PTPRQ: variants seen among roughly 807,000 people sequenced by gnomAD.
PTPRQ encodes the protein protein tyrosine phosphatase receptor type Q.
Under a neutral mutation model 246.0 loss-of-function variants are expected in PTPRQ, and 199 were observed. The ratio of observed to expected loss-of-function variants is 0.81; its 90% CI spans 0.72 to 0.91. PTPRQ has a LOEUF of 0.91. PTPRQ is among the 40% of genes least tolerant of loss of function. The probability of loss-of-function intolerance (pLI) is 0.00; values close to 1 mark genes in which losing one functional copy is unlikely to be tolerated. For synonymous variants in PTPRQ, 869 were observed against 853.2 expected, an observed-to-expected ratio of 1.02 and a Z score of -0.32; for missense variants, 2,624 against 2,528.4, an observed-to-expected ratio of 1.04 and a Z score of -0.81.
At chr12:80,572,177 T>C (rs1395695013) in intron 25 of PTPRQ, among the ~76,000 whole-genome samples, 1 of 152,118 alleles carries the variant, frequency 6.6e-6, no homozygotes, top group African/African-American at 2.4e-5. Context: ...TTATTATTTC[T>C]CCATTTTTAA....
Position 80,679,126 on chromosome 12 carries a change from T to C in PTPRQ, c.*103T>C, listed in dbSNP as rs572073957. 52 of 1,367,028 alleles carry C rather than the reference T, an allele frequency of 3.8e-5. No homozygotes were observed. In the South Asian group the frequency reaches 6.3e-4, roughly 16 times the overall value. 84.7% of individuals were successfully genotyped at this position (1,367,028 alleles called of 1,614,324 possible). ...TGAAATGTGCAACCTTAAAGAAATA[T>C]CTATGCTTCTCTCACTGTGCCTTTC... On this transcript the variant is annotated 3_prime_UTR_variant, in exon 45 of 45. Coordinates refer to ENST00000644991, the MANE Select transcript of PTPRQ (RefSeq NM_001145026.2).
At chr12:80,472,317 A>G in intron 8 of PTPRQ, 66 bp downstream of exon 8, 1 of 1,523,606 alleles carries the variant, frequency 6.6e-7, no homozygotes, top group Admixed American at 2.3e-5. Context: ...TTGGTAAAAC[A>G]TGATATTAGA....
intron 33 of PTPRQ, among the ~76,000 whole-genome samples, chr12:80,622,358 T>C (rs1301938529): frequency 1.3e-5 from 2 of 152,102 alleles, no homozygotes; most frequent in African/African-American, 2.4e-5. Flanking sequence ...TCATCTTAAC[T>C]ATCCTTTAAG....
intron 35 of PTPRQ, among the ~76,000 whole-genome samples, chr12:80,638,586 C>A (rs532249203): frequency 1.3e-4 from 20 of 152,094 alleles, no homozygotes; most frequent in Non-Finnish European, 2.5e-4. Flanking sequence ...ATACTCTCTG[C>A]CTGTATATTT....
At chr12:80,606,631 T>C (rs913491147) in intron 27 of PTPRQ, among the ~76,000 whole-genome samples, 2 of 151,038 alleles carry the variant, frequency 1.3e-5, no homozygotes, top group African/African-American at 2.4e-5. Flanking sequence ...TTTCTCTCTG[T>C]CTCTTGACCA....
At chr12:80,476,542 T>C (rs1462991841) in intron 8 of PTPRQ, among the ~76,000 whole-genome samples, 1 of 152,168 alleles carries the variant, frequency 6.6e-6, no homozygotes, top group Non-Finnish European at 1.5e-5. Context: ...ACTCAATCTA[T>C]TGGATGAAAA....
intron 25 of PTPRQ, among the ~76,000 whole-genome samples, chr12:80,576,062 T>G (rs1317571301): frequency 6.6e-6 from 1 of 152,120 alleles, no homozygotes; most frequent in Non-Finnish European, 1.5e-5. Context: ...TTATTCTTTC[T>G]TATGGATATT....
intron 43 of PTPRQ, among the ~76,000 whole-genome samples, chr12:80,675,073 C>T (rs1051598039): frequency 2.0e-5 from 3 of 152,114 alleles, no homozygotes; most frequent in Admixed American, 2.0e-4. Flanking sequence ...TACATTCCCT[C>T]ATATACTGAG....
At chr12:80,628,417 C>T (rs1899288864) in intron 33 of PTPRQ, among the ~76,000 whole-genome samples, 1 of 151,950 alleles carries the variant, frequency 6.6e-6, no homozygotes, top group African/African-American at 2.4e-5. Flanking sequence ...TTAATACGTG[C>T]CTATTTTACA....
chr12:80,634,793 G>T, intron 34 of PTPRQ, 152 bp from the exon 35 acceptor site: 1 of 1,115,950 alleles, frequency 9.0e-7, no homozygotes, highest in Non-Finnish European at 1.2e-6. Flanking sequence ...AGAAAAAGAA[G>T]TCGAGTAGCT....
chr12:80,472,428 A>G (rs1893669754), intron 8 of PTPRQ, among the ~76,000 whole-genome samples, 177 bp downstream of exon 8: 1 of 152,212 alleles, frequency 6.6e-6, no homozygotes, highest in Non-Finnish European at 1.5e-5. Context: ...AACTCATAGC[A>G]TGCTTCATAA....
At position 80,472,200 on chromosome 12, in the gene PTPRQ, A is replaced by C. The variant is rs145855772; in HGVS notation, c.1135A>C (p.Ser379Arg). Reference protein sequence around the residue: ...MYDVYIAAETSAGTGPKSNIS... With the variant: ...MYDVYIAAETRAGTGPKSNIS... ...TGATGTCTATATTGCGGCTGAAACCAGTGCAGGGACTGGGCCCAAGTCAAA... is the reference window on the plus strand; with the variant it reads ...TGATGTCTATATTGCGGCTGAAACCCGTGCAGGGACTGGGCCCAAGTCAAA... Residue 379 changes from serine to arginine, a missense_variant, in exon 8 of 45, where the codon AGT becomes CGT. Coordinates refer to ENST00000644991, the MANE Select transcript of PTPRQ (RefSeq NM_001145026.2). 199 of 1,551,614 alleles carry C rather than the reference A, an allele frequency of 1.3e-4. No individual in the cohort carries two copies. In the African/African-American group the frequency reaches 2.6e-3, roughly 20 times the overall value.
At position 80,613,822 on chromosome 12, in the gene PTPRQ, A is replaced by G. The variant is rs1325907418; in HGVS notation, c.5149A>G (p.Thr1717Ala). 1 of 1,534,988 alleles carries G rather than the reference A, an allele frequency of 6.5e-7. No homozygotes were observed. Among genetic ancestry groups the G allele is most frequent in the African/African-American group, 1.4e-5 (1 of 71,972 alleles). The change falls in exon 29 of 45, where the codon ACA becomes GCA. Residue 1717 changes from threonine to alanine, a missense_variant. By Grantham distance (58) the Thr-to-Ala change is moderately conservative. Transcript: ENST00000644991. The part of the protein sequence containing the change: ...AMLEGLKGGH[T>A]YNISVYAVNS... ...GCTAGAAGGACTAAAAGGTGGACAT[A>G]CATACAATATCAGTGTAAGAATCCG...
intron 25 of PTPRQ, among the ~76,000 whole-genome samples, chr12:80,568,521 A>G (rs1273138147): frequency 1.3e-5 from 2 of 152,226 alleles, no homozygotes; most frequent in Non-Finnish European, 2.9e-5. Context: ...ATTTCTGTCC[A>G]TATTTGTCTT....
intron 3 of PTPRQ, among the ~76,000 whole-genome samples, chr12:80,456,548 T>C (rs1892988559): frequency 2.0e-5 from 3 of 152,180 alleles, no homozygotes. Context: ...CTATTGCTGA[T>C]AGGAAGGTGA....
chr12:80,484,470 A>G lies in PTPRQ; in HGVS notation c.1224A>G (p.Val408=), dbSNP rs1338785420. 2.6e-6 allele frequency: 4 copies of G among 1,551,272 alleles called. No individual in the cohort carries two copies. The highest frequency in any genetic ancestry group is 3.5e-6 in the Non-Finnish European group (4 of 1,146,840). Residue 408 remains valine (V), a synonymous_variant, in exon 9 of 45, where the codon GTA becomes GTG. Coordinates refer to ENST00000644991, the MANE Select transcript of PTPRQ (RefSeq NM_001145026.2). ...GAVFDLQLAE[V]ESTQVRITWK... is the part of the protein sequence containing the mutation. Reference sequence around the variant, plus strand: ...TGTTTGATTTACAACTTGCAGAGGTAGAATCCACGCAAGTAAGAATTACTT... The same window carrying G: ...TGTTTGATTTACAACTTGCAGAGGTGGAATCCACGCAAGTAAGAATTACTT...
rs1240490772 is a variant in PTPRQ at position 80,506,560 on chromosome 12, T to A, written c.2456-9T>A. 1 of 1,494,358 alleles carries A rather than the reference T, an allele frequency of 6.7e-7. No individual in the cohort carries two copies. Among genetic ancestry groups the A allele is most frequent in the Admixed American group, 2.3e-5 (1 of 43,324 alleles). The allele number at this position is 1,494,358 out of a possible 1,614,324, so 92.6% of individuals were successfully genotyped here. A position where few individuals can be genotyped will look rare whatever the true frequency, so the allele number is the denominator to read the frequency against. ...TAAGTTTCAACTTACCTATTTGATT[T>A]CTCTTTAGTACTGAAGAAATATACC... On this transcript the variant is annotated splice_polypyrimidine_tract_variant and intron_variant, in intron 15 of 44. Coordinates refer to ENST00000644991, the MANE Select transcript of PTPRQ (RefSeq NM_001145026.2).
intron 35 of PTPRQ, among the ~76,000 whole-genome samples, chr12:80,644,724 A>G (rs887832038): frequency 1.3e-5 from 2 of 152,050 alleles, no homozygotes; most frequent in Non-Finnish European, 2.9e-5. Context: ...AATTCTCTCT[A>G]TAAATCAGTC....
At chr12:80,589,796 T>C (rs921373992) in intron 26 of PTPRQ, among the ~76,000 whole-genome samples, 2 of 152,222 alleles carry the variant, frequency 1.3e-5, no homozygotes, top group African/African-American at 4.8e-5. Flanking sequence ...CCTTCTGTTT[T>C]TTCTCCTACC....
Sources: gnomAD v4.1 joint callset for allele counts (sites outside exome capture counted in the v4.1 genomes callset) on GRCh38, gnomAD v4.1.1 for gene constraint, MANE v1.5 for transcripts, NCBI Gene and HGNC (gene_info 2026-07-23, HGNC 2026-07-21) for gene names.